Variants in RAB11FIP4 observed in about 807,000 individuals in gnomAD.
RAB11FIP4 encodes RAB11 family interacting protein 4.
A neutral mutation model predicts 74.3 loss-of-function variants in RAB11FIP4; 23 were observed. That is an observed-to-expected ratio of 0.31 (90% confidence interval 0.22 to 0.44). RAB11FIP4 has a LOEUF of 0.44. RAB11FIP4 is among the 20% of genes least tolerant of loss of function. RAB11FIP4 has a pLI of 1.00. For missense variants in RAB11FIP4, 630 were observed against 863.9 expected (o/e 0.73, Z 3.39); for synonymous variants, 360 against 359.9 (o/e 1.00, Z 0.00).
intron 4 of RAB11FIP4, chr17:31,518,432 G>C (rs958256918): frequency 6.6e-6 from 1 of 151,032 alleles, no homozygotes; most frequent in African/African-American, 2.5e-5. Flanking sequence ...ACAAACATAT[G>C]CCAGGCAAGT....
At chr17:31,397,170 T>C (rs536478830) in intron 1 of RAB11FIP4, among the ~76,000 whole-genome samples, 4 of 152,150 alleles carry the variant, frequency 2.6e-5, no homozygotes, top group Non-Finnish European at 4.4e-5. Context: ...GAAACAACTG[T>C]ATCCCCACAG....
chr17:31,457,704 C>G (rs761987506), intron 3 of RAB11FIP4, among the ~76,000 whole-genome samples: 1 of 151,870 alleles, frequency 6.6e-6, no homozygotes, highest in Non-Finnish European at 1.5e-5. Flanking sequence ...CACCCCCAGC[C>G]CCGCAGGTGG....
intron 1 of RAB11FIP4, among the ~76,000 whole-genome samples, chr17:31,430,352 ATTTTTTTTTT>A (rs56078412): frequency 5.4e-5 from 6 of 111,774 alleles, no homozygotes; most frequent in Non-Finnish European, 1.0e-4. Flanking sequence ...TGGAGTTTGG[ATTTTTTTTTT>A]TTTTTTTTTT....
intron 1 of RAB11FIP4, among the ~76,000 whole-genome samples, chr17:31,407,805 A>G (rs1378960526): frequency 1.3e-5 from 2 of 152,184 alleles, no homozygotes; most frequent in African/African-American, 4.8e-5. Context: ...TACCTCATCT[A>G]TTCAACATAA....
At chr17:31,397,815 A>C (rs1774739718) in intron 1 of RAB11FIP4, among the ~76,000 whole-genome samples, 1 of 150,956 alleles carries the variant, frequency 6.6e-6, no homozygotes, top group South Asian at 2.1e-4. Flanking sequence ...CTGTGCTGGG[A>C]GGAGGCCAGA....
chr17:31,414,797 C>T (rs867260646), intron 1 of RAB11FIP4, among the ~76,000 whole-genome samples: 7 of 152,198 alleles, frequency 4.6e-5, no homozygotes, highest in East Asian at 3.9e-4. Context: ...GTCCCTGAGG[C>T]GGGGTCCTTC....
In RAB11FIP4 at chr17:31,527,850, A is replaced by G. The variant is rs777639864; in HGVS notation, c.1283A>G (p.Gln428Arg). The change falls in exon 11 of 15, where the codon CAG (glutamine) becomes CGG (arginine). Residue 428 changes from glutamine (Q) to arginine (R), a missense_variant. By Grantham distance (43) the Gln-to-Arg change is conservative (BLOSUM62 1). Coordinates refer to ENST00000621161, the MANE Select transcript of RAB11FIP4 (RefSeq NM_032932.6). ...EVELLNARVQ[Q>R]LEEENTELRT... is the part of the protein sequence containing the mutation. ...CTTTCTCCTTTCGCCAGGGTGCAGCAGTTGGAGGAAGAAAATACAGAGCTT... is the reference window on the plus strand; with the variant it reads ...CTTTCTCCTTTCGCCAGGGTGCAGCGGTTGGAGGAAGAAAATACAGAGCTT... The G allele has an allele frequency of 2.5e-6, 4 of 1,605,910 alleles. No homozygotes were observed. Among genetic ancestry groups the G allele is most frequent in the Non-Finnish European group, 8.5e-7 (1 of 1,176,532 alleles).
intron 1 of RAB11FIP4, among the ~76,000 whole-genome samples, chr17:31,421,540 A>G (rs916633060): frequency 1.6e-5 from 2 of 125,532 alleles, no homozygotes; most frequent in Non-Finnish European, 3.3e-5. Flanking sequence ...GTTTAATTAT[A>G]TTATAGTCAC....
intron 3 of RAB11FIP4, among the ~76,000 whole-genome samples, chr17:31,476,687 C>T (rs557562705): frequency 6.6e-6 from 1 of 152,162 alleles, no homozygotes; most frequent in Admixed American, 6.5e-5. Flanking sequence ...TTAGGGCACC[C>T]CATGAGCAGC....
intron 3 of RAB11FIP4, among the ~76,000 whole-genome samples, chr17:31,479,110 A>G (rs2071822378): frequency 6.6e-6 from 1 of 152,242 alleles, no homozygotes; most frequent in South Asian, 2.1e-4. Flanking sequence ...TCATGAGTGC[A>G]GTAACATCTA....
chr17:31,416,205 C>A (rs185519176), intron 1 of RAB11FIP4, among the ~76,000 whole-genome samples: 1 of 152,330 alleles, frequency 6.6e-6, no homozygotes, highest in East Asian at 1.9e-4. Flanking sequence ...AATTGCGGAG[C>A]TGGTCCTGGG....
intron 1 of RAB11FIP4, among the ~76,000 whole-genome samples, chr17:31,401,084 C>T (rs536268702): frequency 6.6e-5 from 10 of 152,226 alleles, no homozygotes; most frequent in East Asian, 3.9e-4. Flanking sequence ...CTGGCTAACA[C>T]GGTGAAACCC....
intron 3 of RAB11FIP4, among the ~76,000 whole-genome samples, chr17:31,502,638 C>G (rs1482630073): frequency 6.6e-6 from 1 of 152,092 alleles, no homozygotes; most frequent in South Asian, 2.1e-4. Context: ...CTTTTGTTAT[C>G]AGGGTGAGAA....
intron 14 of RAB11FIP4, 30 bp from the exon 15 acceptor site, chr17:31,531,586 C>A: frequency 1.3e-6 from 2 of 1,483,376 alleles, no homozygotes; most frequent in Non-Finnish European, 1.9e-6. Context: ...CCAGGCCCAG[C>A]CACTGACCCG....
chr17:31,454,217 A>G (rs918159271), intron 3 of RAB11FIP4, among the ~76,000 whole-genome samples: 11 of 152,212 alleles, frequency 7.2e-5, no homozygotes, highest in African/African-American at 2.2e-4. Flanking sequence ...TCATTGCTAC[A>G]TTCCATTTCC....
chr17:31,515,600 T>A (rs1203020851), intron 3 of RAB11FIP4, among the ~76,000 whole-genome samples: 1 of 152,080 alleles, frequency 6.6e-6, no homozygotes, highest in Admixed American at 6.6e-5. Flanking sequence ...TTCAGCTGTC[T>A]GAGACTCCAG....
intron 1 of RAB11FIP4, among the ~76,000 whole-genome samples, chr17:31,421,229 T>C (rs2151623746): frequency 6.7e-6 from 1 of 149,190 alleles, no homozygotes; most frequent in East Asian, 2.2e-4. Context: ...TCTTTTCTTT[T>C]CTTTTTTTTT....
chr17:31,454,863 A>G (rs1003178588), intron 3 of RAB11FIP4, among the ~76,000 whole-genome samples: 3 of 152,078 alleles, frequency 2.0e-5, no homozygotes, highest in Non-Finnish European at 4.4e-5. Flanking sequence ...CAGCCTGGGC[A>G]ACAGAACAAG....
intron 3 of RAB11FIP4, among the ~76,000 whole-genome samples, chr17:31,513,167 G>C (rs983143307): frequency 2.0e-5 from 3 of 152,146 alleles, no homozygotes; most frequent in Admixed American, 6.5e-5. Context: ...TCAACAGGGG[G>C]CTCCGCGTGA....
Sources: gnomAD v4.1 joint callset for allele counts (sites outside exome capture counted in the v4.1 genomes callset) on GRCh38, gnomAD v4.1.1 for gene constraint, MANE v1.5 for transcripts, NCBI Gene and HGNC (gene_info 2026-07-23, HGNC 2026-07-21) for gene names.